The following RNF217 variants were observed in gnomAD, a reference collection of about 807,000 sequenced individuals.
RNF217 encodes ring finger protein 217.
RNF217 carries 31 observed loss-of-function variants against 57.8 expected under a neutral mutation model. The ratio of observed to expected loss-of-function variants is 0.54; its 90% CI spans 0.40 to 0.72. The LOEUF (loss-of-function observed/expected upper bound fraction) is 0.72, where lower values mean the gene tolerates loss of function less well. RNF217 is among the 30% of genes least tolerant of loss of function. The pLI, the probability that RNF217 is intolerant of heterozygous loss-of-function variation, is 0.00. For missense variants in RNF217, 696 were observed against 708.3 expected, an observed-to-expected ratio of 0.98 and a Z score of 0.20; for synonymous variants, 313 against 294.0, an observed-to-expected ratio of 1.06 and a Z score of -0.66.
chr6:124,981,844 C>G (rs1784179253), intron 1 of RNF217, among the ~76,000 whole-genome samples: 2 of 150,602 alleles, frequency 1.3e-5, no homozygotes, highest in Non-Finnish European at 3.0e-5. Context: ...TGGTGAAACC[C>G]TGTCTCTACT....
chr6:125,024,119 A>G (rs1442947858), intron 1 of RNF217, among the ~76,000 whole-genome samples: 1 of 152,242 alleles, frequency 6.6e-6, no homozygotes, highest in Non-Finnish European at 1.5e-5. Context: ...ACAAAATGAA[A>G]CAAAGAGTAC....
At chr6:125,043,455 T>C (rs979982827) in intron 1 of RNF217, among the ~76,000 whole-genome samples, 2 of 152,032 alleles carry the variant, frequency 1.3e-5, no homozygotes, top group African/African-American at 4.8e-5. Flanking sequence ...GCATCCTGAT[T>C]GCCTCTTTAC....
At chr6:125,040,462 C>CA (rs1786833885) in intron 1 of RNF217, among the ~76,000 whole-genome samples, 1 of 152,034 alleles carries the variant, frequency 6.6e-6, no homozygotes, top group Non-Finnish European at 1.5e-5. Context: ...GCCTACCACC[C>CA]AAAAAATGCC....
intron 1 of RNF217, among the ~76,000 whole-genome samples, chr6:125,012,925 A>G (rs751944245): frequency 6.6e-6 from 1 of 152,184 alleles, no homozygotes; most frequent in Non-Finnish European, 1.5e-5. Flanking sequence ...TTCTAGTAAA[A>G]TATCTTTGAA....
intron 1 of RNF217, among the ~76,000 whole-genome samples, chr6:124,981,885 G>T (rs900885009): frequency 9.9e-5 from 15 of 151,440 alleles, no homozygotes; most frequent in South Asian, 4.2e-4. Flanking sequence ...AAATTTGGCC[G>T]GGCGTGGTTA....
intron 1 of RNF217, among the ~76,000 whole-genome samples, chr6:124,995,297 C>T (rs1292397263): frequency 6.6e-6 from 1 of 151,990 alleles, no homozygotes; most frequent in Non-Finnish European, 1.5e-5. Context: ...AGAACAGTAA[C>T]AATATTGAAG....
chr6:124,965,870 A>G (rs548597906), intron 1 of RNF217, among the ~76,000 whole-genome samples: 8 of 152,224 alleles, frequency 5.3e-5, no homozygotes, highest in Admixed American at 4.6e-4. Flanking sequence ...TCTTACACTT[A>G]AGTAATTAAG....
At chr6:124,963,611 G>C (rs192211147) in intron 1 of RNF217, among the ~76,000 whole-genome samples, 185 bp downstream of exon 1, 2 of 152,206 alleles carry the variant, frequency 1.3e-5, no homozygotes, top group African/African-American at 4.8e-5. Flanking sequence ...TACTTAACTG[G>C]AATTTAACTT....
At chr6:124,998,161 C>T (rs1784820694) in intron 1 of RNF217, among the ~76,000 whole-genome samples, 1 of 152,202 alleles carries the variant, frequency 6.6e-6, no homozygotes, top group African/African-American at 2.4e-5. Flanking sequence ...TTCTCCCAGT[C>T]ACGTAGCCTC....
intron 2 of RNF217, among the ~76,000 whole-genome samples, chr6:125,052,624 T>C (rs960608090): frequency 6.6e-6 from 1 of 152,056 alleles, no homozygotes; most frequent in Non-Finnish European, 1.5e-5. Flanking sequence ...ATTGCCACCA[T>C]CTGACTTTAG....
Position 124,962,669 on chromosome 6 carries a change from C to G in RNF217, c.125C>G (p.Pro42Arg), listed in dbSNP as rs907053930. 45 of 1,341,382 alleles carry G rather than the reference C, an allele frequency of 3.4e-5. No individual in the cohort carries two copies. The highest frequency in any genetic ancestry group is 2.8e-4 in the Middle Eastern group (1 of 3,600). 83.1% of individuals were successfully genotyped at this position (1,341,382 alleles called of 1,614,324 possible). The stretch of plus-strand genomic sequence containing the variant: ...CAGGGGGACAGCGCCCGGGCGCCCC[C>G]GCTGCGCGCCGCCTCCGCGGAGCCG... ...RPQGDSARAPPLRAASAEPSG... is the reference protein window; with the variant it reads ...RPQGDSARAPRLRAASAEPSG... The change falls in exon 1 of 6, where the codon CCG (proline) becomes CGG (arginine). Residue 42 changes from proline to arginine, a missense_variant. By Grantham distance (103) the Pro-to-Arg change is moderately radical. Transcript: ENST00000521654. The surrounding 1 kb of genome is among the most constrained non-coding windows in gnomAD (Gnocchi z 4.6).
intron 1 of RNF217, 37 bp downstream of exon 1, chr6:124,963,463 C>T: frequency 7.0e-7 from 1 of 1,436,126 alleles, no homozygotes; most frequent in Non-Finnish European, 9.1e-7. Flanking sequence ...TTTATCATTC[C>T]AAATCACTGG....
chr6:124,982,856 A>G (rs1050359266), intron 1 of RNF217, among the ~76,000 whole-genome samples: 5 of 152,188 alleles, frequency 3.3e-5, no homozygotes, highest in African/African-American at 1.2e-4. Flanking sequence ...TCCTGGTGAG[A>G]AGAATAGGAA....
At chr6:125,055,835 A>G (rs1316026701) in intron 2 of RNF217, among the ~76,000 whole-genome samples, 2 of 152,186 alleles carry the variant, frequency 1.3e-5, no homozygotes, top group Non-Finnish European at 2.9e-5. Flanking sequence ...GCTCAATGGC[A>G]AATGGAAGTA....
chr6:125,014,083 C>A (rs1785517568), intron 1 of RNF217, among the ~76,000 whole-genome samples: 1 of 152,178 alleles, frequency 6.6e-6, no homozygotes, highest in Non-Finnish European at 1.5e-5. Flanking sequence ...AGTGTGTACA[C>A]ACATACAGAG....
Position 125,057,985 on chromosome 6 carries a change from A to G in RNF217, c.1160A>G (p.His387Arg). 1 of 1,612,226 alleles carries G rather than the reference A, an allele frequency of 6.2e-7. No individual in the cohort carries two copies. Among genetic ancestry groups the G allele is most frequent in the Non-Finnish European group, 8.5e-7 (1 of 1,179,042 alleles). Residue 387 changes from histidine (H) to arginine (R), a missense_variant, in exon 3 of 6, where the codon CAC (histidine) becomes CGC (arginine). Transcript: ENST00000521654. ...CAATTCGTCTGGTGTTTTAAGTGCC[A>G]CTCTCCTTGGCATGAAGGTGTTAAC... ...TCQFVWCFKCHSPWHEGVNCK... is the reference protein window; with the variant it reads ...TCQFVWCFKCRSPWHEGVNCK...
At chr6:125,082,044 G>A (rs1788595529) in intron 5 of RNF217, among the ~76,000 whole-genome samples, 3 of 152,098 alleles carry the variant, frequency 2.0e-5, no homozygotes, top group South Asian at 4.1e-4. Flanking sequence ...TTAAAGCAGT[G>A]GTTCTCAGAC....
chr6:124,968,841 A>C (rs994882932), intron 1 of RNF217, among the ~76,000 whole-genome samples: 1 of 152,216 alleles, frequency 6.6e-6, no homozygotes, highest in Non-Finnish European at 1.5e-5. Flanking sequence ...GTGATGGACA[A>C]AGTAGGCATA....
intron 2 of RNF217, among the ~76,000 whole-genome samples, chr6:125,054,401 T>A (rs1201333453): frequency 6.6e-6 from 1 of 152,166 alleles, no homozygotes; most frequent in East Asian, 1.9e-4. Context: ...TCATAGAGAA[T>A]CAGACACAAG....
Sources: allele counts gnomAD v4.1 joint callset (sites outside exome capture counted in the v4.1 genomes callset), GRCh38; gene constraint gnomAD v4.1.1; non-coding constraint Gnocchi (gnomAD v3.1); transcripts MANE v1.5; gene names NCBI Gene and HGNC (gene_info 2026-07-23, HGNC 2026-07-21).